Variants in MED27 observed in about 807,000 individuals in gnomAD.
MED27 encodes mediator complex subunit 27.
Under a neutral mutation model 38.2 loss-of-function variants are expected in MED27, and 30 were observed. The ratio of observed to expected loss-of-function variants is 0.79; its 90% CI spans 0.59 to 1.07. The LOEUF (loss-of-function observed/expected upper bound fraction) is 1.07. Among genes scored for constraint, MED27 ranks in the 50% least tolerant of loss-of-function variants. The pLI is 0.00. For synonymous variants in MED27, 122 were observed against 153.5 expected (o/e 0.79, Z 1.52); for missense variants, 289 against 397.5 (o/e 0.73, Z 2.32).
At chr9:131,975,544 C>T (rs1831586026) in intron 3 of MED27, among the ~76,000 whole-genome samples, 3 of 152,150 alleles carry the variant, frequency 2.0e-5, no homozygotes, top group South Asian at 2.1e-4. Context: ...TTGTTTTAAG[C>T]AGCAGTGGTC....
chr9:131,882,526 C>T (rs548707158), intron 6 of MED27, among the ~76,000 whole-genome samples: 4 of 152,208 alleles, frequency 2.6e-5, no homozygotes, highest in South Asian at 4.1e-4. Flanking sequence ...CATTCTTCAT[C>T]GTGGGGATAA....
At chr9:132,076,426 C>T (rs534377665) in intron 2 of MED27, among the ~76,000 whole-genome samples, 19 of 152,236 alleles carry the variant, frequency 1.2e-4, no homozygotes, top group Non-Finnish European at 2.2e-4. Context: ...GCAGCTCCCA[C>T]GGTTCCACTT....
intron 5 of MED27, among the ~76,000 whole-genome samples, chr9:131,886,547 A>G (rs573624860): frequency 6.6e-6 from 1 of 152,350 alleles, no homozygotes; most frequent in African/African-American, 2.4e-5. Context: ...ATTGCCAGTC[A>G]GTGCCCCCCA....
chr9:131,942,420 A>G (rs1830805763), intron 3 of MED27, among the ~76,000 whole-genome samples: 1 of 152,184 alleles, frequency 6.6e-6, no homozygotes, highest in Non-Finnish European at 1.5e-5. Flanking sequence ...TCTTCTCTAA[A>G]TCTATATGTG....
chr9:131,943,382 G>T (rs569982292), intron 3 of MED27, among the ~76,000 whole-genome samples: 1 of 152,166 alleles, frequency 6.6e-6, no homozygotes, highest in East Asian at 1.9e-4. Flanking sequence ...GTTGAGGGAG[G>T]GGGTGTTGGT....
rs1564348473 is a variant in MED27 at position 132,069,238 on chromosome 9, C to T, written c.348+8204G>A. On this transcript the variant is annotated intron_variant, in intron 2 of 7. Transcript: ENST00000292035. ...CAGTGGCTCCCAGACGGCAAGTTGACACACGTCCAGCAGCCTCTGCAGCCT... is the reference window on the plus strand; with the variant it reads ...CAGTGGCTCCCAGACGGCAAGTTGATACACGTCCAGCAGCCTCTGCAGCCT... 1.3e-5 allele frequency among the ~76,000 whole-genome samples: 2 copies of T among 152,168 alleles called. 1 individual carries two copies. Among genetic ancestry groups the T allele is most frequent in the African/African-American group, 4.8e-5 (2 of 41,436 alleles).
chr9:131,926,980 T>C (rs1830495490), intron 4 of MED27, among the ~76,000 whole-genome samples: 1 of 152,244 alleles, frequency 6.6e-6, no homozygotes, highest in Non-Finnish European at 1.5e-5. Flanking sequence ...ATTAATATTT[T>C]AAATGCCGAG....
chr9:131,988,657 T>C (rs899455248), intron 3 of MED27, among the ~76,000 whole-genome samples: 3 of 152,234 alleles, frequency 2.0e-5, no homozygotes, highest in Non-Finnish European at 2.9e-5. Flanking sequence ...TGCGGGGGGA[T>C]TGGGGGAGAG....
At chr9:132,042,935 TAGA>T (rs1833250163) in intron 2 of MED27, among the ~76,000 whole-genome samples, 1 of 152,184 alleles carries the variant, frequency 6.6e-6, no homozygotes, top group Non-Finnish European at 1.5e-5. Context: ...GGGAACAAAT[TAGA>T]GAGGTCAATA....
chr9:132,070,478 G>A (rs1833913478), intron 2 of MED27, among the ~76,000 whole-genome samples: 1 of 152,126 alleles, frequency 6.6e-6, no homozygotes, highest in African/African-American at 2.4e-5. Flanking sequence ...GACCTCTTGA[G>A]CCCATAAGGC....
chr9:132,041,144 A>G (rs1280531035), intron 2 of MED27, among the ~76,000 whole-genome samples: 1 of 152,218 alleles, frequency 6.6e-6, no homozygotes, highest in East Asian at 1.9e-4. Context: ...GCAAAGGGAA[A>G]AAGAGGGTTG....
chr9:131,874,422 G>A (rs974068629), intron 6 of MED27, among the ~76,000 whole-genome samples: 5 of 152,302 alleles, frequency 3.3e-5, no homozygotes, highest in Admixed American at 1.3e-4. Flanking sequence ...CAGGGCCTCC[G>A]AGAGGACTGT....
chr9:131,918,287 G>A (rs1830329489), intron 4 of MED27, among the ~76,000 whole-genome samples: 1 of 152,196 alleles, frequency 6.6e-6, no homozygotes, highest in Non-Finnish European at 1.5e-5. Flanking sequence ...AATCTAGATT[G>A]CCTAACTAGG....
chr9:131,992,576 A>T (rs1330823584), intron 3 of MED27, among the ~76,000 whole-genome samples: 3 of 152,026 alleles, frequency 2.0e-5, no homozygotes, highest in African/African-American at 2.4e-5. Flanking sequence ...TTTTAAAAAA[A>T]TTTTTGTAGA....
At chr9:131,933,599 T>C (rs193056185) in intron 4 of MED27, among the ~76,000 whole-genome samples, 3 of 151,838 alleles carry the variant, frequency 2.0e-5, no homozygotes, top group Non-Finnish European at 4.4e-5. Flanking sequence ...ACTCTCATAA[T>C]GAAAACTATA....
intron 4 of MED27, among the ~76,000 whole-genome samples, chr9:131,895,393 C>T (rs1829814445): frequency 6.6e-6 from 1 of 152,164 alleles, no homozygotes; most frequent in African/African-American, 2.4e-5. Context: ...CAATCCTGAT[C>T]CTTCAACTCC....
At chr9:131,968,497 G>A (rs1486992836) in intron 3 of MED27, among the ~76,000 whole-genome samples, 3 of 146,442 alleles carry the variant, frequency 2.0e-5, no homozygotes, top group East Asian at 2.0e-4. Flanking sequence ...AAAAAAAATC[G>A]TAGTACTACG....
At chr9:132,050,720 T>G (rs574892296) in intron 2 of MED27, among the ~76,000 whole-genome samples, 12 of 152,302 alleles carry the variant, frequency 7.9e-5, no homozygotes, top group African/African-American at 2.9e-4. Context: ...GCTCAGACTC[T>G]GCTCTCCACA....
intron 6 of MED27, 81 bp from the exon 7 acceptor site, chr9:131,863,221 T>C: frequency 1.7e-6 from 2 of 1,145,760 alleles, no homozygotes; most frequent in South Asian, 2.6e-5. Context: ...GCACGCCTTC[T>C]GTGTGAAAAC....
Sources: gnomAD v4.1 joint callset for allele counts (sites outside exome capture counted in the v4.1 genomes callset) on GRCh38, gnomAD v4.1.1 for gene constraint, MANE v1.5 for transcripts, NCBI Gene and HGNC (gene_info 2026-07-23, HGNC 2026-07-21) for gene names.